HIVEP1: variants seen among roughly 807,000 people sequenced by gnomAD.
The protein encoded by HIVEP1 is HIVEP zinc finger 1, also known as zinc finger protein 40.
A neutral mutation model predicts 180.0 loss-of-function variants in HIVEP1; 36 were observed. That is an observed-to-expected ratio of 0.20 (90% CI 0.15 to 0.26). The LOEUF is 0.26. Ranked by LOEUF, HIVEP1 falls within the 10% of genes least tolerant of loss-of-function variation. The pLI is 1.00. For missense variants in HIVEP1, 3,143 were observed against 3,268.7 expected (o/e 0.96, Z 0.94); for synonymous variants, 1,239 against 1,239.0 (o/e 1.00, Z 0.00).
the HIVEP1 span, among the ~76,000 whole-genome samples, chr6:12,193,923 G>T: frequency 1.3e-5 from 2 of 152,134 alleles, no homozygotes; most frequent in Non-Finnish European, 2.9e-5. Flanking sequence ...AAGCTTTAAT[G>T]AGAAACAATT....
At chr6:12,135,727 G>C (rs1240275557) in intron 6 of HIVEP1, 64 bp from the exon 7 acceptor site, 1 of 1,003,494 alleles carries the variant, frequency 1.0e-6, no homozygotes, top group East Asian at 2.4e-5. Context: ...AAATTTGCCA[G>C]TGTTTACAAA....
the HIVEP1 span, among the ~76,000 whole-genome samples, chr6:12,202,355 T>C: frequency 3.5e-4 from 54 of 152,172 alleles, no homozygotes; most frequent in South Asian, 0.011. Flanking sequence ...CTTAGGCTGT[T>C]CTCAAACTCC....
In HIVEP1 at chr6:12,160,046, T is replaced by C. The variant is rs3822924; in HGVS notation, c.6488-1393T>C. Among the ~76,000 whole-genome samples the C allele has an allele frequency of 2.9e-3, 444 of 152,314 alleles. 15 individuals are homozygous for C. The East Asian group carries it at 0.077, about 26-fold the overall frequency. On this transcript the variant is annotated intron_variant, in intron 7 of 8. Coordinates refer to ENST00000379388, the MANE Select transcript of HIVEP1 (RefSeq NM_002114.4). ...GCTCTGTTTACATGTTTGTCTCTTTTCAAAAAAATACCTGTAAGTGCAGAA... is the reference window on the plus strand; with the variant it reads ...GCTCTGTTTACATGTTTGTCTCTTTCCAAAAAAATACCTGTAAGTGCAGAA...
At chr6:12,029,274 A>G (rs1469152162) in intron 2 of HIVEP1, among the ~76,000 whole-genome samples, 1 of 152,204 alleles carries the variant, frequency 6.6e-6, no homozygotes, top group Non-Finnish European at 1.5e-5. Context: ...TTTGCATGGC[A>G]TGTGTGTTCC....
intron 2 of HIVEP1, among the ~76,000 whole-genome samples, chr6:12,076,779 C>T (rs969107429): frequency 7.9e-5 from 12 of 152,024 alleles, no homozygotes; most frequent in African/African-American, 2.4e-4. Flanking sequence ...ACAAAAACAT[C>T]GAGACCACAG....
At chr6:12,119,187 A>C (rs1775411976) in intron 3 of HIVEP1, among the ~76,000 whole-genome samples, 1 of 152,214 alleles carries the variant, frequency 6.6e-6, no homozygotes, top group Non-Finnish European at 1.5e-5. Context: ...GCAGTATATA[A>C]AAGGAGGAGA....
At chr6:12,081,325 C>T (rs1446841281) in intron 2 of HIVEP1, among the ~76,000 whole-genome samples, 1 of 152,142 alleles carries the variant, frequency 6.6e-6, no homozygotes, top group African/African-American at 2.4e-5. Flanking sequence ...TTGGCTCCTG[C>T]GTTCCCATCA....
rs754384569 is a variant in HIVEP1, at chr6:12,015,622, A to G, written c.-7A>G. On this transcript the variant is annotated 5_prime_UTR_variant, in exon 2 of 9. Transcript: ENST00000379388. ...AAGAAGAAAAAGAAGGCCCTGAGTC[A>G]AAGAAGATGCCTCGAACTAAACAAA... 1.7e-5 allele frequency: 28 copies of G among 1,613,316 alleles called. No individual in the cohort carries two copies. The highest frequency in any genetic ancestry group is 2.1e-5 in the Non-Finnish European group (25 of 1,179,580).
At chr6:12,167,658 A>G (rs1202898709), downstream of HIVEP1, among the ~76,000 whole-genome samples, 5 of 97,058 alleles carry the variant, frequency 5.2e-5, no homozygotes, top group Admixed American at 2.3e-4. Context: ...TATATATGTT[A>G]TATATACATA....
At chr6:12,106,051 C>T (rs1774411809) in intron 3 of HIVEP1, among the ~76,000 whole-genome samples, 2 of 151,528 alleles carry the variant, frequency 1.3e-5, no homozygotes, top group African/African-American at 4.8e-5. Flanking sequence ...TATATATACA[C>T]ACACACATAT....
chr6:12,111,114 A>G (rs1273887279), intron 3 of HIVEP1, among the ~76,000 whole-genome samples: 3 of 152,234 alleles, frequency 2.0e-5, no homozygotes, highest in African/African-American at 7.2e-5. Flanking sequence ...AAATAATTAC[A>G]ACAGTAAAAA....
At chr6:12,131,523 A>G (rs1295311741) in intron 6 of HIVEP1, among the ~76,000 whole-genome samples, 1 of 151,770 alleles carries the variant, frequency 6.6e-6, no homozygotes, top group Non-Finnish European at 1.5e-5. Context: ...TAATCATTAA[A>G]ATTATATTTA....
At chr6:12,205,209 T>C in the HIVEP1 span, among the ~76,000 whole-genome samples, 20 of 152,226 alleles carry the variant, frequency 1.3e-4, no homozygotes, top group East Asian at 1.7e-3. Flanking sequence ...CGGTGGCTCA[T>C]GCCTGTAATC....
upstream of HIVEP1, among the ~76,000 whole-genome samples, chr6:12,010,472 A>G (rs1767212475): frequency 6.6e-6 from 1 of 152,090 alleles, no homozygotes; most frequent in African/African-American, 2.4e-5. Context: ...AGCAGGAAAA[A>G]CCTAGACGTC....
At chr6:12,021,457 TCC>T (rs1477727332) in intron 2 of HIVEP1, among the ~76,000 whole-genome samples, 1 of 152,170 alleles carries the variant, frequency 6.6e-6, no homozygotes, top group Non-Finnish European at 1.5e-5. Context: ...CTGAGTTTTT[TCC>T]CCCATTTTCT....
chr6:12,114,480 C>T (rs1293764684), intron 3 of HIVEP1, among the ~76,000 whole-genome samples: 2 of 151,990 alleles, frequency 1.3e-5, no homozygotes, highest in East Asian at 3.9e-4. Context: ...AGGGATTACC[C>T]ATCCTTCTCA....
chr6:12,098,829 G>T (rs1054338822), intron 3 of HIVEP1, among the ~76,000 whole-genome samples: 1 of 152,124 alleles, frequency 6.6e-6, no homozygotes, highest in Non-Finnish European at 1.5e-5. Context: ...CCAACAATAT[G>T]GTGTTCTTTT....
At chr6:12,068,281 G>A (rs1771733840) in intron 2 of HIVEP1, among the ~76,000 whole-genome samples, 1 of 151,976 alleles carries the variant, frequency 6.6e-6, no homozygotes, top group Admixed American at 6.6e-5. Context: ...GTAGAGGCGG[G>A]GTTTCACCGT....
At chr6:12,061,007 G>A (rs763098018) in intron 2 of HIVEP1, among the ~76,000 whole-genome samples, 23 of 152,072 alleles carry the variant, frequency 1.5e-4, no homozygotes, top group Non-Finnish European at 2.8e-4. Flanking sequence ...GCCCATGAGC[G>A]AGAGTCTGCC....
Sources: gnomAD v4.1 joint callset for allele counts (sites outside exome capture counted in the v4.1 genomes callset) on GRCh38, gnomAD v4.1.1 for gene constraint, MANE v1.5 for transcripts, NCBI Gene and HGNC (gene_info 2026-07-23, HGNC 2026-07-21) for gene names.